MYO1G: variants seen among roughly 807,000 people sequenced by gnomAD.
MYO1G encodes unconventional myosin-Ig.
A neutral mutation model predicts 115.3 loss-of-function variants in MYO1G; 65 were observed. The ratio of observed to expected loss-of-function variants is 0.56; its 90% CI spans 0.46 to 0.69. MYO1G has a LOEUF of 0.69. MYO1G is among the 30% of genes least tolerant of loss of function. The pLI is 0.00. For missense variants in MYO1G, 1,204 were observed against 1,393.5 expected (o/e 0.86, Z 2.16); for synonymous variants, 510 against 552.6 (o/e 0.92, Z 1.08).
Position 44,966,904 on chromosome 7 carries a change from A to G in MYO1G, c.1783-66T>C. ...AGCACTGTGCACCCTGCCCCACACC[A>G]GGGGCTTCCTAACCCCTCAAGGTCC... On this transcript the variant is annotated intron_variant, in intron 14 of 21. Coordinates refer to ENST00000258787, the MANE Select transcript of MYO1G (RefSeq NM_033054.3). This position sits in a 1 kb window ranked among gnomAD's most constrained non-coding sequence, Gnocchi z 5.0. The G allele has an allele frequency of 1.3e-6, 2 of 1,482,810 alleles. No homozygotes were observed. Among genetic ancestry groups the G allele is most frequent in the Non-Finnish European group, 1.8e-6 (2 of 1,102,406 alleles). The allele number at this position is 1,482,810 out of a possible 1,614,324, so 91.9% of individuals were successfully genotyped here. A position where few individuals can be genotyped will look rare whatever the true frequency, so the allele number is the denominator to read the frequency against.
At position 44,969,919 on chromosome 7, in the gene MYO1G, G is replaced by A; in HGVS notation, c.1333-44C>T. On this transcript the variant is annotated intron_variant, in intron 10 of 21. Coordinates refer to ENST00000258787, the MANE Select transcript of MYO1G (RefSeq NM_033054.3). The surrounding 1 kb of genome is among the most constrained non-coding windows in gnomAD (Gnocchi z 5.0). ...GCAAGGAAGCTCCCAAGGTCTTTCA[G>A]GCCACCTCCCCTCCTCCGCCCCACA... The A allele has an allele frequency of 6.3e-7, 1 of 1,586,538 alleles. No homozygotes were observed. Among genetic ancestry groups the A allele is most frequent in the Non-Finnish European group, 8.6e-7 (1 of 1,164,968 alleles).
Position 44,963,638 on chromosome 7 carries a change from T to A in MYO1G, c.2745+411A>T. On this transcript the variant is annotated intron_variant, in intron 20 of 21. Coordinates refer to ENST00000258787, the MANE Select transcript of MYO1G (RefSeq NM_033054.3). This position sits in a 1 kb window ranked among gnomAD's most constrained non-coding sequence, Gnocchi z 4.1. The stretch of plus-strand genomic sequence containing the variant: ...GAGAATTTATGGGAACAGCAGCTGC[T>A]AATGAAGGGAGCAAGTAGGCCACAG... 4.8e-6 allele frequency: 1 copy of A among 209,282 alleles called. No individual in the cohort carries two copies. Among genetic ancestry groups the A allele is most frequent in the South Asian group, 1.1e-4 (1 of 9,294 alleles). The allele number at this position is 209,282 out of a possible 1,614,324, so 13.0% of individuals were successfully genotyped here. A position where few individuals can be genotyped will look rare whatever the true frequency, so the allele number is the denominator to read the frequency against.
At position 44,966,671 on chromosome 7, in the gene MYO1G, C is replaced by T; in HGVS notation, c.1949+1G>A. Reference sequence around the variant, plus strand: ...GAGTGATGGGTGTCAGGTGCCAGTACCTGAGCAGGAATCGAGAGTAGGGCT... The same window carrying T: ...GAGTGATGGGTGTCAGGTGCCAGTATCTGAGCAGGAATCGAGAGTAGGGCT... On this transcript the variant is annotated splice_donor_variant, in intron 15 of 21. Transcript: ENST00000258787. LOFTEE classifies it high-confidence loss of function. The surrounding 1 kb of genome is among the most constrained non-coding windows in gnomAD (Gnocchi z 5.0). The T allele has an allele frequency of 6.2e-7, 1 of 1,613,084 alleles. No homozygotes were observed. Among genetic ancestry groups the T allele is most frequent in the Non-Finnish European group, 8.5e-7 (1 of 1,179,990 alleles).
rs1396508694 is a variant in MYO1G at position 44,970,850 on chromosome 7, C to T, written c.1056G>A (p.Arg352=). The change falls in exon 8 of 22, where the codon CGG becomes CGA. Residue 352 remains arginine, a synonymous_variant. Coordinates refer to ENST00000258787, the MANE Select transcript of MYO1G (RefSeq NM_033054.3). The part of the protein sequence containing the change: ...GHTAAEASYA[R]DACAKAVYQR... ...CCCAAAGTACCTTGGCACAGGCATC[C>T]CGGGCATAGCTGGCCTCAGCTGCAG... 3 of 1,613,536 alleles carry T rather than the reference C, an allele frequency of 1.9e-6. No individual in the cohort carries two copies. Among genetic ancestry groups the T allele is most frequent in the African/African-American group, 1.3e-5 (1 of 74,930 alleles).
chr7:44,963,028 G>T lies in MYO1G; in HGVS notation c.2842C>A (p.Pro948Thr). The change falls in exon 21 of 22, where the codon CCG becomes ACG. Residue 948 changes from proline (P) to threonine (T), a missense_variant. Coordinates refer to ENST00000258787, the MANE Select transcript of MYO1G (RefSeq NM_033054.3). The surrounding 1 kb of genome is among the most constrained non-coding windows in gnomAD (Gnocchi z 4.1). ...TCCCCAACGCGGTTGTCCAATGGCG[G>T]CCGGGAGCGGTGCAGGCACACCACG... ...DLVVCLHRSR[P>T]PLDNRVGELV... 6.5e-7 allele frequency: 1 copy of T among 1,531,754 alleles called. No homozygotes were observed. The highest frequency in any genetic ancestry group is 8.7e-7 in the Non-Finnish European group (1 of 1,143,994). 94.9% of individuals were successfully genotyped at this position (1,531,754 alleles called of 1,614,324 possible).
chr7:44,969,187 T>A lies in MYO1G; in HGVS notation c.1574+226A>T. 2 of 535,108 alleles carry A rather than the reference T, an allele frequency of 3.7e-6. No homozygotes were observed. Among genetic ancestry groups the A allele is most frequent in the Non-Finnish European group, 6.8e-6 (2 of 293,776 alleles). The allele number at this position is 535,108 out of a possible 1,614,324, so 33.1% of individuals were successfully genotyped here. On this transcript the variant is annotated intron_variant, in intron 12 of 21. Transcript: ENST00000258787. The surrounding 1 kb of genome is among the most constrained non-coding windows in gnomAD (Gnocchi z 5.0). ...TGAGACGTGGGTATTTTTTAAAGGCTCCCAGAAGAATGCAGCCATGGTTAA... is the reference window on the plus strand; with the variant it reads ...TGAGACGTGGGTATTTTTTAAAGGCACCCAGAAGAATGCAGCCATGGTTAA...
Position 44,975,464 on chromosome 7 carries a change from T to TGC in MYO1G, c.564+19_564+20insGC, listed in dbSNP as rs1253367311. 2 of 1,596,244 alleles carry TGC rather than the reference T, an allele frequency of 1.3e-6. No individual in the cohort carries two copies. Among genetic ancestry groups the TGC allele is most frequent in the Non-Finnish European group, 1.7e-6 (2 of 1,168,716 alleles). On this transcript the variant is annotated intron_variant, in intron 4 of 21. Transcript: ENST00000258787. ...TCGGCCAGGGCTCCCCATGGAGGTCTCCTCAGCCCACCTGCCCACCTTCTC... is the reference window on the plus strand; with the variant it reads ...TCGGCCAGGGCTCCCCATGGAGGTCTGCCCTCAGCCCACCTGCCCACCTTCTC...
At chr7:44,970,427 G>A (rs1203749000) in intron 9 of MYO1G, among the ~76,000 whole-genome samples, 165 bp downstream of exon 9, 1 of 152,202 alleles carries the variant, frequency 6.6e-6, no homozygotes, top group African/African-American at 2.4e-5. Flanking sequence ...TCAATGGTCA[G>A]AGGGTGCAGG....
In MYO1G at chr7:44,966,334, G is replaced by T. The variant is rs988094703; in HGVS notation, c.1950-54C>A. The T allele has an allele frequency of 3.5e-6, 5 of 1,422,910 alleles. No individual in the cohort carries two copies. The Admixed American group carries it at 7.9e-5, about 22-fold the overall frequency. 88.1% of individuals were successfully genotyped at this position (1,422,910 alleles called of 1,614,324 possible). A position where few individuals can be genotyped will look rare whatever the true frequency, so the allele number is the denominator to read the frequency against. On this transcript the variant is annotated intron_variant, in intron 15 of 21. Transcript: ENST00000258787. The surrounding 1 kb of genome is among the most constrained non-coding windows in gnomAD (Gnocchi z 5.0). Reference sequence around the variant, plus strand: ...CCAGGCCTGGGGGAGAGATGATGGAGCCCACCCTGCCCACCCCACACCTGG... The same window carrying T: ...CCAGGCCTGGGGGAGAGATGATGGATCCCACCCTGCCCACCCCACACCTGG...
intron 5 of MYO1G, chr7:44,973,792 T>C (rs529328946): frequency 5.3e-5 from 8 of 152,008 alleles, no homozygotes; most frequent in Non-Finnish European, 1.2e-4. Context: ...TCTGAGTCCA[T>C]GGAGACCCTG....
intron 1 of MYO1G, among the ~76,000 whole-genome samples, chr7:44,978,345 T>C (rs1421054668): frequency 6.6e-6 from 1 of 152,162 alleles, no homozygotes; most frequent in African/African-American, 2.4e-5. Context: ...CCCAGGAGAA[T>C]GTCACCTCAA....
chr7:44,977,125 G>C, intron 1 of MYO1G, 54 bp from the exon 2 acceptor site: 1 of 1,562,114 alleles, frequency 6.4e-7, no homozygotes, highest in South Asian at 1.1e-5. Flanking sequence ...GCACCCACAG[G>C]CCTTTCGCCA....
Position 44,970,714 on chromosome 7 carries a change from C to T in MYO1G, c.1095G>A (p.Glu365=). 6.2e-7 allele frequency: 1 copy of T among 1,614,010 alleles called. No individual in the cohort carries two copies. Among genetic ancestry groups the T allele is most frequent in the Non-Finnish European group, 8.5e-7 (1 of 1,180,046 alleles). Residue 365 remains glutamate, a synonymous_variant, in exon 9 of 22, where the codon GAG becomes GAA. Transcript: ENST00000258787. ...CAKAVYQRLF[E]WVVNRINSVM... Reference sequence around the variant, plus strand: ...CACTGTTGATCCTGTTCACCACCCACTCAAACAGCCGCTGGTACACTGCCT... The same window carrying T: ...CACTGTTGATCCTGTTCACCACCCATTCAAACAGCCGCTGGTACACTGCCT...
At chr7:44,970,567 G>T in intron 9 of MYO1G, 25 bp downstream of exon 9, 1 of 1,612,926 alleles carries the variant, frequency 6.2e-7, no homozygotes, top group East Asian at 2.2e-5. Context: ...GTCAGAGGTG[G>T]AGATGTGGCT....
Position 44,964,192 on chromosome 7 carries a change from G to T in MYO1G, c.2632-30C>A. 6.5e-7 allele frequency: 1 copy of T among 1,550,240 alleles called. No homozygotes were observed. The highest frequency in any genetic ancestry group is 8.8e-7 in the Non-Finnish European group (1 of 1,141,282). On this transcript the variant is annotated intron_variant, in intron 19 of 21. Transcript: ENST00000258787. The surrounding 1 kb of genome is among the most constrained non-coding windows in gnomAD (Gnocchi z 5.1). ...GGGAGAGGTGGCTGGACCCAGGCTG[G>T]TGCTGCCCTGTCACCCACCAGGGCC...
intron 6 of MYO1G, 111 bp downstream of exon 6, chr7:44,972,004 G>C (rs1352818774): frequency 1.1e-6 from 1 of 912,142 alleles, no homozygotes. Context: ...CCCCACTCAC[G>C]CAAACAGTTC....
Position 44,975,505 on chromosome 7 carries a change from G to A in MYO1G, c.543C>T (p.Ile181=), listed in dbSNP as rs779172188. 3.1e-6 allele frequency: 5 copies of A among 1,612,704 alleles called. No individual in the cohort carries two copies. Among genetic ancestry groups the A allele is most frequent in the African/African-American group, 2.7e-5 (2 of 74,920 alleles). The change falls in exon 4 of 22, where the codon ATC becomes ATT. Residue 181 remains isoleucine (I), a synonymous_variant. Coordinates refer to ENST00000258787, the MANE Select transcript of MYO1G (RefSeq NM_033054.3). ...DFKGDPIGGH[I]HSYLLEKSRV... ...CCACCTTCTCCAGTAGGTAGCTGTG[G>A]ATGTGTCCTCCGATCGGGTCCCCCT...
At chr7:44,972,777 G>A (rs577888211) in intron 5 of MYO1G, 6 of 154,434 alleles carry the variant, frequency 3.9e-5, no homozygotes, top group Non-Finnish European at 7.2e-5. Context: ...GGAGCTCAGC[G>A]TCTGTGGAGA....
intron 5 of MYO1G, chr7:44,973,854 T>A (rs1246243718): frequency 2.0e-5 from 3 of 150,936 alleles, no homozygotes; most frequent in African/African-American, 4.9e-5. Context: ...TCTGTGGAGA[T>A]CCTGCCGGAG....
Sources: gnomAD v4.1 joint callset for allele counts (sites outside exome capture counted in the v4.1 genomes callset) on GRCh38, gnomAD v4.1.1 for gene constraint, Gnocchi (gnomAD v3.1) non-coding constraint, MANE v1.5 for transcripts, NCBI Gene and HGNC (gene_info 2026-07-23, HGNC 2026-07-21) for gene names.